The following RBFOX1 variants were observed in gnomAD, a reference collection of about 807,000 sequenced individuals.
RBFOX1 encodes the protein RNA binding fox-1 homolog 1, also known as RNA binding protein fox-1 homolog 1.
A neutral mutation model predicts 57.7 loss-of-function variants in RBFOX1; 8 were observed. That is an observed-to-expected ratio of 0.14 (90% CI 0.08 to 0.25). RBFOX1 has a LOEUF of 0.25. Among genes scored for constraint, RBFOX1 ranks in the 10% least tolerant of loss-of-function variants. The pLI is 1.00. For synonymous variants in RBFOX1, 326 were observed against 222.4 expected, an observed-to-expected ratio of 1.47 and a Z score of -4.15; for missense variants, 611 against 548.5, an observed-to-expected ratio of 1.11 and a Z score of -1.14.
intron 5 of RBFOX1, among the ~76,000 whole-genome samples, chr16:7,571,713 C>T (rs2092794290): frequency 1.3e-5 from 2 of 152,176 alleles, no homozygotes; most frequent in Admixed American, 1.3e-4. Context: ...GGAAGCTCTG[C>T]CAAGTGCCGC....
intron 3 of RBFOX1, among the ~76,000 whole-genome samples, chr16:6,884,227 A>T (rs1603636398): frequency 1.3e-5 from 2 of 152,182 alleles, no homozygotes; most frequent in Admixed American, 6.5e-5. Context: ...CATGCTGCAG[A>T]GGCCAGGGAC....
chr16:6,280,158 G>T (rs908988391), intron 1 of RBFOX1, among the ~76,000 whole-genome samples: 6 of 152,050 alleles, frequency 3.9e-5, no homozygotes, highest in African/African-American at 1.4e-4. Flanking sequence ...GGAAAAATAG[G>T]GACCAGAGGT....
chr16:6,991,074 G>C (rs951737097), intron 3 of RBFOX1, among the ~76,000 whole-genome samples: 1 of 149,862 alleles, frequency 6.7e-6, no homozygotes, highest in Admixed American at 6.7e-5. Context: ...GGCCAAGGTG[G>C]GTGGCCTGCT....
chr16:6,876,399 C>G (rs902663800), intron 3 of RBFOX1, among the ~76,000 whole-genome samples: 1 of 148,312 alleles, frequency 6.7e-6, no homozygotes, highest in Non-Finnish European at 1.5e-5. Context: ...AGCCTATGTT[C>G]TATGAAGTAA....
chr16:6,676,790 C>T lies in RBFOX1; in HGVS notation c.-16+22140C>T, dbSNP rs530481052. Among the ~76,000 whole-genome samples, 3 of 150,954 alleles carry T rather than the reference C, an allele frequency of 2.0e-5. No individual in the cohort carries two copies. The East Asian group carries it at 5.9e-4, about 30-fold the overall frequency. Reference sequence around the variant, plus strand: ...TCCCAGGTTGAAGCATTTCTCCTGCCTCAGCCTCCCTAGTAGCTGGGATTA... The same window carrying T: ...TCCCAGGTTGAAGCATTTCTCCTGCTTCAGCCTCCCTAGTAGCTGGGATTA... On this transcript the variant is annotated intron_variant, in intron 3 of 15. Coordinates refer to ENST00000550418, the MANE Select transcript of RBFOX1 (RefSeq NM_018723.4).
At chr16:7,572,225 T>C (rs1277347323) in intron 5 of RBFOX1, among the ~76,000 whole-genome samples, 1 of 152,192 alleles carries the variant, frequency 6.6e-6, no homozygotes, top group African/African-American at 2.4e-5. Flanking sequence ...GACTTGGATG[T>C]AATTTCACTC....
intron 11 of RBFOX1, among the ~76,000 whole-genome samples, chr16:7,643,660 G>T (rs534623464): frequency 6.6e-6 from 1 of 152,120 alleles, no homozygotes; most frequent in East Asian, 1.9e-4. Context: ...ATATTTTTGG[G>T]TTGAACACAA....
chr16:6,380,086 A>G (rs2091636885), intron 2 of RBFOX1, among the ~76,000 whole-genome samples: 1 of 152,110 alleles, frequency 6.6e-6, no homozygotes, highest in Non-Finnish European at 1.5e-5. Flanking sequence ...AGAGAGTAGC[A>G]TTTATTTTCT....
intron 3 of RBFOX1, among the ~76,000 whole-genome samples, chr16:6,656,487 T>C (rs1163135680): frequency 6.6e-6 from 1 of 151,962 alleles, no homozygotes; most frequent in Non-Finnish European, 1.5e-5. Flanking sequence ...ATCATGATGA[T>C]GGCAACTGCC....
At chr16:7,688,235 G>A (rs1388934173) in intron 14 of RBFOX1, among the ~76,000 whole-genome samples, 2 of 41,342 alleles carry the variant, frequency 4.8e-5, no homozygotes, top group South Asian at 1.1e-3. Context: ...GTGTGTGTGT[G>A]TGTGTGTGTG....
At chr16:5,831,093 G>A (rs76495379) in intron 3 of RBFOX1, among the ~76,000 whole-genome samples, 11,114 of 152,146 alleles carry the variant, frequency 0.073, 951 homozygotes, top group African/African-American at 0.2. Flanking sequence ...TTAACAGTAC[G>A]TGCCACAGAG....
At chr16:7,530,984 A>G (rs757526428) in intron 5 of RBFOX1, among the ~76,000 whole-genome samples, 1 of 152,186 alleles carries the variant, frequency 6.6e-6, no homozygotes, top group Non-Finnish European at 1.5e-5. Context: ...CAGTGTCCTT[A>G]GGACAGAAGT....
intron 4 of RBFOX1, among the ~76,000 whole-genome samples, chr16:7,435,685 C>T (rs774427740): frequency 2.3e-4 from 35 of 152,120 alleles, no homozygotes; most frequent in Non-Finnish European, 4.0e-4. Context: ...TGCCTGCCCC[C>T]GAAGCTATTT....
At chr16:7,427,612 C>G (rs1351050531) in intron 4 of RBFOX1, among the ~76,000 whole-genome samples, 1 of 151,646 alleles carries the variant, frequency 6.6e-6, no homozygotes, top group Non-Finnish European at 1.5e-5. Flanking sequence ...CTTTTCTTTT[C>G]TTTTTCTTCT....
chr16:7,260,686 G>T (rs2094884059), intron 4 of RBFOX1, among the ~76,000 whole-genome samples: 1 of 151,324 alleles, frequency 6.6e-6, no homozygotes, highest in Non-Finnish European at 1.5e-5. Flanking sequence ...TTTCTCTAAT[G>T]TTCTAATGAG....
At chr16:7,508,430 G>C (rs2074063676) in intron 4 of RBFOX1, among the ~76,000 whole-genome samples, 1 of 152,166 alleles carries the variant, frequency 6.6e-6, no homozygotes, top group Non-Finnish European at 1.5e-5. Context: ...AGAGCTTATG[G>C]TTTGTGCGAA....
chr16:5,677,373 A>G (rs1230478983), intron 3 of RBFOX1, among the ~76,000 whole-genome samples: 1 of 152,196 alleles, frequency 6.6e-6, no homozygotes, highest in Non-Finnish European at 1.5e-5. Context: ...GGCTAGTAAG[A>G]GATAGTCAAA....
intron 2 of RBFOX1, among the ~76,000 whole-genome samples, chr16:5,597,317 AG>A (rs1004155643): frequency 1.4e-5 from 2 of 138,546 alleles, no homozygotes; most frequent in African/African-American, 5.5e-5. Context: ...CTTTTGAGAC[AG>A]GGTCTTGCTT....
At chr16:5,559,039 G>A (rs557813557) in intron 2 of RBFOX1, among the ~76,000 whole-genome samples, 11 of 152,004 alleles carry the variant, frequency 7.2e-5, no homozygotes, top group Non-Finnish European at 1.5e-4. Context: ...TTATGCTCAC[G>A]TGGGTACAGA....
Sources: gnomAD v4.1 joint callset for allele counts (sites outside exome capture counted in the v4.1 genomes callset) on GRCh38, gnomAD v4.1.1 for gene constraint, MANE v1.5 for transcripts, NCBI Gene and HGNC (gene_info 2026-07-23, HGNC 2026-07-21) for gene names.